ATXN1: variants seen among roughly 807,000 people sequenced by gnomAD.
ATXN1 encodes ataxin 1, also known as ataxin-1.
ATXN1 carries 8 observed loss-of-function variants against 56.4 expected under a neutral mutation model. That is an observed-to-expected ratio of 0.14 (90% confidence interval 0.08 to 0.26). The LOEUF (loss-of-function observed/expected upper bound fraction) is 0.26. Ranked by LOEUF, ATXN1 falls within the 10% of genes least tolerant of loss-of-function variation. ATXN1 has a pLI of 1.00. For missense variants in ATXN1, 987 were observed against 1,106.5 expected (o/e 0.89, Z 1.53); for synonymous variants, 514 against 494.6 (o/e 1.04, Z -0.52).
intron 3 of ATXN1, among the ~76,000 whole-genome samples, chr6:16,616,871 T>C (rs1014621023): frequency 6.6e-5 from 10 of 151,318 alleles, no homozygotes; most frequent in African/African-American, 1.9e-4. Flanking sequence ...TGTCTGAAAA[T>C]AGGCGAGTAC....
At chr6:16,409,864 A>T (rs1166716310) in intron 6 of ATXN1, among the ~76,000 whole-genome samples, 1 of 152,110 alleles carries the variant, frequency 6.6e-6, no homozygotes, top group African/African-American at 2.4e-5. Flanking sequence ...ACTGTGCTCC[A>T]CCTGCTGGCC....
At chr6:16,402,839 C>G (rs1210029097) in intron 6 of ATXN1, among the ~76,000 whole-genome samples, 1 of 152,180 alleles carries the variant, frequency 6.6e-6, no homozygotes, top group African/African-American at 2.4e-5. Context: ...CTCAGAGGTT[C>G]TGGGCTTTTT....
At position 16,305,050 on chromosome 6, in the gene ATXN1, C is replaced by T. The variant is rs1760208997; in HGVS notation, c.*1279G>A. 1 of 152,614 alleles carries T rather than the reference C, an allele frequency of 6.6e-6. No homozygotes were observed. The highest frequency in any genetic ancestry group is 2.1e-4 in the South Asian group (1 of 4,834). 9.5% of individuals were successfully genotyped at this position (152,614 alleles called of 1,614,324 possible). A position where few individuals can be genotyped will look rare whatever the true frequency, so the allele number is the denominator to read the frequency against. On this transcript the variant is annotated 3_prime_UTR_variant, in exon 8 of 8. Coordinates refer to ENST00000436367, the MANE Select transcript of ATXN1 (RefSeq NM_001128164.2). The stretch of plus-strand genomic sequence containing the variant: ...AAACTTTCAATATCTTGCTCTTCAG[C>T]AATTCTGCAGAGCTGAAATGTAGTT...
rs1758767082 is a variant in ATXN1, at chr6:16,410,078, C to T, written c.-161+75894G>A. 1.3e-5 allele frequency among the ~76,000 whole-genome samples: 2 copies of T among 152,198 alleles called. No individual in the cohort carries two copies. Among genetic ancestry groups the T allele is most frequent in the Non-Finnish European group, 2.9e-5 (2 of 68,030 alleles). ...TGGAGAGCATGAGCTGAACGACCGT[C>T]GTGATAGGCTTGGCAGAGGATGAAG... On this transcript the variant is annotated intron_variant, in intron 6 of 7. Coordinates refer to ENST00000436367, the MANE Select transcript of ATXN1 (RefSeq NM_001128164.2). The surrounding 1 kb of genome is among the most constrained non-coding windows in gnomAD (Gnocchi z 4.6).
chr6:16,732,293 G>A lies in ATXN1; in HGVS notation c.-615+20940C>T, dbSNP rs114692921. ...ACCATTGGAAAATATCACTCCGGCCGGGTGTGGTGGCTCACGCCTGTAATC... is the reference window on the plus strand; with the variant it reads ...ACCATTGGAAAATATCACTCCGGCCAGGTGTGGTGGCTCACGCCTGTAATC... On this transcript the variant is annotated intron_variant, in intron 2 of 7. Coordinates refer to ENST00000436367, the MANE Select transcript of ATXN1 (RefSeq NM_001128164.2). Among the ~76,000 whole-genome samples, 761 of 152,226 alleles carry A rather than the reference G, an allele frequency of 5.0e-3. 4 individuals carry two copies. Among genetic ancestry groups the A allele is most frequent in the African/African-American group, 0.015 (610 of 41,522 alleles).
At chr6:16,307,007 C>G in intron 7 of ATXN1, 148 bp from the exon 8 acceptor site, 1 of 906,858 alleles carries the variant, frequency 1.1e-6, no homozygotes, top group Non-Finnish European at 1.6e-6. Context: ...AGTTTGCAAA[C>G]CTCCCTCTCC....
At chr6:16,639,433 C>A (rs1763664857) in intron 3 of ATXN1, among the ~76,000 whole-genome samples, 1 of 152,214 alleles carries the variant, frequency 6.6e-6, no homozygotes, top group South Asian at 2.1e-4. Context: ...CCTGCCTCAG[C>A]CGCCTAAGTA....
intron 6 of ATXN1, among the ~76,000 whole-genome samples, chr6:16,388,685 T>C (rs1758289120): frequency 6.6e-6 from 1 of 152,022 alleles, no homozygotes; most frequent in African/African-American, 2.4e-5. Context: ...CCCCAGGAGG[T>C]CATGAGTGCT....
At chr6:16,386,760 G>GT in intron 6 of ATXN1, among the ~76,000 whole-genome samples, 1 of 151,244 alleles carries the variant, frequency 6.6e-6, no homozygotes, top group Non-Finnish European at 1.5e-5. Context: ...AGAAATGAGC[G>GT]TAACTCCTTG....
intron 3 of ATXN1, among the ~76,000 whole-genome samples, chr6:16,617,757 ACT>A (rs1763241573): frequency 3.0e-5 from 3 of 99,242 alleles, no homozygotes; most frequent in East Asian, 7.4e-4. Flanking sequence ...ATAGAGAGAA[ACT>A]CTGTCTCAAA....
rs762659686 is a variant in ATXN1, at chr6:16,328,125, C to A, written c.186G>T (p.Pro62=). ...AACCAAGCTCCACCGAGGTCCCTGC[C>A]GGCCCATGCCTCCCGCCCCCGTGGC... ...GRGHGGGRHG[P]AGTSVELGLQ... is the part of the protein sequence containing the mutation. Residue 62 remains proline, a synonymous_variant, in exon 7 of 8, where the codon CCG becomes CCT. Coordinates refer to ENST00000436367, the MANE Select transcript of ATXN1 (RefSeq NM_001128164.2). The surrounding 1 kb of genome is among the most constrained non-coding windows in gnomAD (Gnocchi z 6.2). 6.3e-7 allele frequency: 1 copy of A among 1,588,296 alleles called. No individual in the cohort carries two copies. Among genetic ancestry groups the A allele is most frequent in the Non-Finnish European group, 8.6e-7 (1 of 1,163,746 alleles).
chr6:16,426,904 G>T (rs1759169164), intron 6 of ATXN1, among the ~76,000 whole-genome samples: 1 of 150,968 alleles, frequency 6.6e-6, no homozygotes, highest in Non-Finnish European at 1.5e-5. Context: ...AGTAGAGGCA[G>T]GATCGAGATT....
chr6:16,331,465 A>G (rs966830571), intron 6 of ATXN1, among the ~76,000 whole-genome samples: 1 of 152,236 alleles, frequency 6.6e-6, no homozygotes, highest in Non-Finnish European at 1.5e-5. Context: ...AGGAAAACTC[A>G]TGCGTGAGAC....
intron 6 of ATXN1, among the ~76,000 whole-genome samples, chr6:16,392,901 C>A (rs952293153): frequency 1.3e-5 from 2 of 152,216 alleles, no homozygotes; most frequent in Admixed American, 1.3e-4. Context: ...AATGCAAATT[C>A]TTGGGCTTTC....
chr6:16,327,817 GC>G lies in ATXN1; in HGVS notation c.493del (p.Ala165ProfsTer23). 1 of 1,609,170 alleles carries G rather than the reference GC, an allele frequency of 6.2e-7. No individual in the cohort carries two copies. ...VTSAVASAAGATTPSQRSQLE... is the reference protein window; with the variant it reads ...VTSAVASAAGXTTPSQRSQLE... ...CTGGGAGCGCTGGGATGGAGTGGTG[GC>G]CCCTGCGGCCGAGGCCACTGCACTG... is the stretch of plus-strand genomic sequence containing the variant. On this transcript the variant is annotated frameshift_variant, in exon 7 of 8. Transcript: ENST00000436367. LOFTEE classifies it high-confidence loss of function.
At chr6:16,514,109 T>G (rs150135688) in intron 5 of ATXN1, among the ~76,000 whole-genome samples, 2 of 152,036 alleles carry the variant, frequency 1.3e-5, no homozygotes, top group African/African-American at 4.8e-5. Context: ...CAGGCAGCTA[T>G]GAAGAGTGAC....
chr6:16,538,470 T>A (rs956254003), intron 4 of ATXN1, among the ~76,000 whole-genome samples: 3 of 152,160 alleles, frequency 2.0e-5, no homozygotes, highest in African/African-American at 7.2e-5. Context: ...TTAGGGTACA[T>A]GTGCACAACA....
At chr6:16,748,987 G>A (rs1760626987) in intron 2 of ATXN1, among the ~76,000 whole-genome samples, 1 of 152,082 alleles carries the variant, frequency 6.6e-6, no homozygotes, top group African/African-American at 2.4e-5. Context: ...TTTCTCCCCA[G>A]ACCCAAGATT....
intron 6 of ATXN1, among the ~76,000 whole-genome samples, chr6:16,350,140 C>T (rs755940501): frequency 3.6e-4 from 55 of 152,134 alleles, no homozygotes; most frequent in Admixed American, 6.6e-4. Context: ...AATGGACAAG[C>T]GGAAATGCAA....
Sources: gnomAD v4.1 joint callset for allele counts (sites outside exome capture counted in the v4.1 genomes callset) on GRCh38, gnomAD v4.1.1 for gene constraint, Gnocchi (gnomAD v3.1) non-coding constraint, MANE v1.5 for transcripts, NCBI Gene and HGNC (gene_info 2026-07-23, HGNC 2026-07-21) for gene names.